NDUFA5: variants seen among roughly 807,000 people sequenced by gnomAD.
The protein encoded by NDUFA5 is NADH:ubiquinone oxidoreductase subunit A5.
A neutral mutation model predicts 19.8 loss-of-function variants in NDUFA5; 11 were observed. The observed-to-expected ratio is 0.56, with a 90% confidence interval of 0.35 to 0.92. The LOEUF is 0.92. Among genes scored for constraint, NDUFA5 ranks in the 40% least tolerant of loss-of-function variants. The pLI, the probability that NDUFA5 is intolerant of heterozygous loss-of-function variation, is 0.01. For synonymous variants in NDUFA5, 47 were observed against 46.8 expected (o/e 1.00, Z -0.01); for missense variants, 109 against 134.2 (o/e 0.81, Z 0.93).
chr7:123,574,264 A>C, the NDUFA5 span, among the ~76,000 whole-genome samples: 2 of 149,628 alleles, frequency 1.3e-5, no homozygotes, highest in African/African-American at 2.5e-5. Flanking sequence ...GTTTCTCAAC[A>C]CTTCACTCCT....
chr7:123,546,962 T>C (rs2116092560), intron 3 of NDUFA5: 1 of 360,924 alleles, frequency 2.8e-6, no homozygotes, highest in Admixed American at 3.8e-5. Flanking sequence ...AGTCCCTAAC[T>C]GCAATTATAA....
At chr7:123,562,474 T>C (rs1210054606), upstream of NDUFA5, among the ~76,000 whole-genome samples, 2 of 152,234 alleles carry the variant, frequency 1.3e-5, no homozygotes, top group Admixed American at 6.5e-5. Flanking sequence ...CCTGTGGTTA[T>C]CTCCATCAGT....
At chr7:123,591,969 A>G in the NDUFA5 span, among the ~76,000 whole-genome samples, 1 of 152,120 alleles carries the variant, frequency 6.6e-6, no homozygotes, top group Admixed American at 6.5e-5. Flanking sequence ...TAATGCCTCA[A>G]TTTCAGGACC....
the NDUFA5 span, among the ~76,000 whole-genome samples, chr7:123,576,986 C>T: frequency 4.6e-5 from 7 of 152,014 alleles, no homozygotes; most frequent in Admixed American, 4.6e-4. Flanking sequence ...CTTTTGCAGC[C>T]GTGGTCAAAC....
At chr7:123,568,023 A>C in the NDUFA5 span, among the ~76,000 whole-genome samples, 2 of 152,192 alleles carry the variant, frequency 1.3e-5, no homozygotes, top group Non-Finnish European at 2.9e-5. Context: ...TGTGGTTTTC[A>C]GATATGTTGA....
the NDUFA5 span, among the ~76,000 whole-genome samples, chr7:123,564,758 C>T: frequency 6.6e-6 from 1 of 151,886 alleles, no homozygotes; most frequent in Non-Finnish European, 1.5e-5. Flanking sequence ...CTGGACTTAA[C>T]GATTGTTTGC....
chr7:123,572,999 C>T, the NDUFA5 span, among the ~76,000 whole-genome samples: 3,784 of 151,964 alleles, frequency 0.025, 73 homozygotes, highest in Middle Eastern at 0.037. Context: ...TTTTAACAAA[C>T]GATCAGCTAT....
At chr7:123,572,229 C>T in the NDUFA5 span, among the ~76,000 whole-genome samples, 2 of 146,758 alleles carry the variant, frequency 1.4e-5, no homozygotes, top group Non-Finnish European at 3.0e-5. Context: ...GCAACCTCTG[C>T]CTCCTGGGTT....
the NDUFA5 span, among the ~76,000 whole-genome samples, chr7:123,601,298 A>T: frequency 1.3e-5 from 2 of 152,314 alleles, no homozygotes; most frequent in African/African-American, 4.8e-5. Context: ...TATATGCTCA[A>T]TAACTTGACC....
At chr7:123,542,569 G>T (rs1406186422) in intron 4 of NDUFA5, among the ~76,000 whole-genome samples, 1 of 151,990 alleles carries the variant, frequency 6.6e-6, no homozygotes, top group Non-Finnish European at 1.5e-5. Flanking sequence ...ATTTTACCAT[G>T]GCCCACAGTA....
At chr7:123,589,159 T>C in the NDUFA5 span, among the ~76,000 whole-genome samples, 2 of 151,968 alleles carry the variant, frequency 1.3e-5, no homozygotes, top group East Asian at 3.9e-4. Flanking sequence ...CCCCTACTAT[T>C]ATTGTCTATT....
At chr7:123,550,660 G>C in intron 2 of NDUFA5, 74 bp from the exon 3 acceptor site, 23 of 722,044 alleles carry the variant, frequency 3.2e-5, no homozygotes, top group East Asian at 6.9e-5. Context: ...TTGTCTCAAA[G>C]ACAAAACAAA....
intron 2 of NDUFA5, among the ~76,000 whole-genome samples, chr7:123,554,348 C>T (rs1423541155): frequency 6.6e-6 from 1 of 151,992 alleles, no homozygotes; most frequent in African/African-American, 2.4e-5. Context: ...ATTTAAGGCT[C>T]GCATTATGTT....
the NDUFA5 span, among the ~76,000 whole-genome samples, chr7:123,589,275 C>A: frequency 0.017 from 2,518 of 150,272 alleles, 65 homozygotes; most frequent in African/African-American, 0.058. Flanking sequence ...TTAACCACTT[C>A]ATCATTATAT....
chr7:123,547,784 C>T (rs967881339), intron 3 of NDUFA5, among the ~76,000 whole-genome samples: 5 of 151,978 alleles, frequency 3.3e-5, no homozygotes, highest in East Asian at 1.9e-4. Flanking sequence ...TTTGTCTTAC[C>T]GATAGTGAAT....
rs189075848 is a variant in NDUFA5, at chr7:123,541,099, G to C, written c.*1020C>G. 1.3e-5 allele frequency: 2 copies of C among 152,290 alleles called. No homozygotes were observed. Among genetic ancestry groups the C allele is most frequent in the African/African-American group, 4.8e-5 (2 of 41,556 alleles). The allele number at this position is 152,290 out of a possible 1,614,324, so 9.4% of individuals were successfully genotyped here. ...GCTTGCCAACTTCTTTCCCTGAACA[G>C]CATTTGTCTTGTTTTGATACCCACC... On this transcript the variant is annotated 3_prime_UTR_variant, in exon 5 of 5. Transcript: ENST00000355749.
the NDUFA5 span, chr7:123,584,954 C>T: frequency 2.0e-5 from 3 of 151,894 alleles, no homozygotes; most frequent in South Asian, 6.2e-4. Context: ...TTTCTTAGTG[C>T]ACTTACAGTC....
chr7:123,589,551 A>AG, the NDUFA5 span, among the ~76,000 whole-genome samples: 1 of 151,862 alleles, frequency 6.6e-6, no homozygotes, highest in Non-Finnish European at 1.5e-5. Flanking sequence ...ACTCTCACTT[A>AG]TGAGTGAGAA....
the NDUFA5 span, among the ~76,000 whole-genome samples, chr7:123,568,162 T>A: frequency 1.3e-5 from 2 of 152,270 alleles, no homozygotes; most frequent in African/African-American, 4.8e-5. Context: ...TATCTCACAC[T>A]CCCACTGAGA....
Sources: allele counts gnomAD v4.1 joint callset (sites outside exome capture counted in the v4.1 genomes callset), GRCh38; gene constraint gnomAD v4.1.1; transcripts MANE v1.5; gene names NCBI Gene and HGNC (gene_info 2026-07-23, HGNC 2026-07-21).